Variants in CNTNAP3B observed in about 807,000 individuals in gnomAD.
The protein encoded by CNTNAP3B is contactin associated protein family member 3B.
A neutral mutation model predicts 108.9 loss-of-function variants in CNTNAP3B; 25 were observed. The ratio of observed to expected loss-of-function variants is 0.23; its 90% confidence interval spans 0.17 to 0.32. The LOEUF (loss-of-function observed/expected upper bound fraction) is 0.32, where lower values mean the gene tolerates loss of function less well. Ranked by LOEUF, CNTNAP3B falls within the 10% of genes least tolerant of loss-of-function variation. The pLI is 1.00. For missense variants in CNTNAP3B, 252 were observed against 1,210.4 expected (o/e 0.21, Z 11.75); for synonymous variants, 103 against 473.4 (o/e 0.22, Z 10.16).
intron 13 of CNTNAP3B, among the ~76,000 whole-genome samples, chr9:41,942,736 A>C (rs1407815467): frequency 1.3e-5 from 2 of 152,258 alleles, no homozygotes; most frequent in South Asian, 2.1e-4. Context: ...AAAATGAAAG[A>C]GCTGTCAATT....
chr9:41,931,429 C>T (rs1010251209), intron 14 of CNTNAP3B, among the ~76,000 whole-genome samples: 2 of 152,284 alleles, frequency 1.3e-5, no homozygotes, highest in Admixed American at 1.3e-4. Context: ...CTTAACTCGA[C>T]TTTTGTACCC....
intron 10 of CNTNAP3B, among the ~76,000 whole-genome samples, chr9:41,967,946 A>T (rs1416152223): frequency 2.6e-5 from 4 of 152,254 alleles, no homozygotes; most frequent in African/African-American, 7.2e-5. Context: ...CATGTTTACA[A>T]GTAACTTTGG....
intron 14 of CNTNAP3B, among the ~76,000 whole-genome samples, chr9:41,932,474 G>A (rs1355130092): frequency 6.6e-6 from 1 of 151,254 alleles, no homozygotes; most frequent in Non-Finnish European, 1.5e-5. Context: ...TGCAAAGAAA[G>A]CTAAAAGGGA....
chr9:42,086,841 C>T (rs1033485991), intron 2 of CNTNAP3B, among the ~76,000 whole-genome samples: 5 of 103,072 alleles, frequency 4.9e-5, no homozygotes, highest in Non-Finnish European at 1.0e-4. Context: ...TAAGAAACTG[C>T]CAAACTATTC....
intron 1 of CNTNAP3B, among the ~76,000 whole-genome samples, chr9:42,123,619 C>T (rs1386313553): frequency 7.5e-6 from 1 of 132,514 alleles, no homozygotes; most frequent in Non-Finnish European, 1.6e-5. Context: ...AAGATTTGAG[C>T]TACCAAGTCC....
chr9:41,942,615 A>T (rs1334008696), intron 13 of CNTNAP3B, among the ~76,000 whole-genome samples: 2 of 150,702 alleles, frequency 1.3e-5, no homozygotes, highest in African/African-American at 2.5e-5. Context: ...TCTCAAAAAA[A>T]TTAAAATAAA....
At chr9:42,061,317 C>CTTTTTTT (rs57755649) in intron 3 of CNTNAP3B, among the ~76,000 whole-genome samples, 33 of 93,058 alleles carry the variant, frequency 3.5e-4, no homozygotes, top group African/African-American at 5.4e-4. Context: ...TTTTCTTTTT[C>CTTTTTTT]TTTTTTTTTT....
chr9:41,929,324 G>A lies in CNTNAP3B; in HGVS notation c.2358C>T (p.Arg786=), dbSNP rs746759737. The change falls in exon 15 of 24, where the codon CGC becomes CGT. Residue 786 remains arginine, a synonymous_variant. Transcript: ENST00000377561. ...ADYTLGPLLC[R]GDKSFWNSAS... ...TTTCTTGACACTACTTACTATCTCC[G>A]CGGCAGAGCAGTGGCCCCAGTGTAT... The A allele has an allele frequency of 4.9e-5, 76 of 1,540,754 alleles. 4 individuals are homozygous for A. The highest frequency in any genetic ancestry group is 1.3e-4 in the South Asian group (11 of 84,680).
chr9:42,127,820 T>C (rs1828605686), intron 1 of CNTNAP3B, among the ~76,000 whole-genome samples: 1 of 139,270 alleles, frequency 7.2e-6, no homozygotes, highest in South Asian at 2.3e-4. Context: ...GTGCGTGCCC[T>C]GTGTGTGAAG....
intron 11 of CNTNAP3B, 148 bp from the exon 12 acceptor site, chr9:41,961,040 T>G: frequency 1.4e-6 from 2 of 1,465,476 alleles, no homozygotes; most frequent in Non-Finnish European, 1.8e-6. Flanking sequence ...TTTGATGAGA[T>G]GCAAGAAAAA....
chr9:42,111,046 C>A (rs1237159805), intron 1 of CNTNAP3B, among the ~76,000 whole-genome samples: 1 of 138,596 alleles, frequency 7.2e-6, no homozygotes, highest in East Asian at 2.2e-4. Flanking sequence ...ACATCTCACT[C>A]CATGGGGTCT....
chr9:41,940,446 T>C (rs1824302395), intron 13 of CNTNAP3B, among the ~76,000 whole-genome samples: 1 of 152,310 alleles, frequency 6.6e-6, no homozygotes, highest in Admixed American at 6.5e-5. Context: ...GCATATTTTT[T>C]TTCAGGGCTG....
At chr9:42,026,693 A>G (rs1204397312) in intron 3 of CNTNAP3B, among the ~76,000 whole-genome samples, 2 of 123,416 alleles carry the variant, frequency 1.6e-5, no homozygotes, top group African/African-American at 3.3e-5. Context: ...CCCTTCTAAG[A>G]GAAAGACCTG....
At chr9:41,957,631 C>T (rs1824901881) in intron 12 of CNTNAP3B, among the ~76,000 whole-genome samples, 1 of 150,772 alleles carries the variant, frequency 6.6e-6, no homozygotes, top group Non-Finnish European at 1.5e-5. Flanking sequence ...CATTGTTCAT[C>T]TGGTCTTGCA....
chr9:41,934,545 C>G (rs1299114694), intron 14 of CNTNAP3B, among the ~76,000 whole-genome samples: 1 of 152,266 alleles, frequency 6.6e-6, no homozygotes, highest in African/African-American at 2.4e-5. Context: ...TTTAAACAAT[C>G]TGATGATACA....
chr9:41,927,565 G>A (rs1395244036), intron 15 of CNTNAP3B, among the ~76,000 whole-genome samples: 3 of 151,338 alleles, frequency 2.0e-5, no homozygotes, highest in African/African-American at 7.3e-5. Context: ...GAGGAAGGAA[G>A]GAAGGAGCCA....
chr9:42,086,445 A>AT (rs375075606), intron 2 of CNTNAP3B, among the ~76,000 whole-genome samples: 102 of 124,652 alleles, frequency 8.2e-4, no homozygotes, highest in East Asian at 4.7e-3. Context: ...TTTTTTTTAC[A>AT]TTTTTTTTTA....
intron 1 of CNTNAP3B, among the ~76,000 whole-genome samples, chr9:42,121,896 G>C (rs1828471299): frequency 7.1e-6 from 1 of 140,362 alleles, no homozygotes; most frequent in Non-Finnish European, 1.5e-5. Flanking sequence ...GGTTGCGGCA[G>C]AAGACTCCTG....
intron 3 of CNTNAP3B, among the ~76,000 whole-genome samples, chr9:42,070,911 T>C (rs1273489559): frequency 0.011 from 1,592 of 150,352 alleles, 9 homozygotes; most frequent in African/African-American, 0.036. Context: ...GGACACTTTT[T>C]TAGATTTCCC....
Sources: allele counts gnomAD v4.1 joint callset (sites outside exome capture counted in the v4.1 genomes callset), GRCh38; gene constraint gnomAD v4.1.1; transcripts MANE v1.5; gene names NCBI Gene and HGNC (gene_info 2026-07-23, HGNC 2026-07-21).